The following SBF2 variants were observed in gnomAD, a reference collection of about 807,000 sequenced individuals.
The protein encoded by SBF2 is SET binding factor 2, also known as myotubularin-related protein 13.
SBF2 carries 112 observed loss-of-function variants against 225.2 expected under a neutral mutation model. That is an observed-to-expected ratio of 0.50 (90% confidence interval 0.43 to 0.58). The LOEUF is 0.58. Among genes scored for constraint, SBF2 ranks in the 20% least tolerant of loss-of-function variants. The probability of loss-of-function intolerance (pLI) is 0.00; values close to 1 mark genes in which losing one functional copy is unlikely to be tolerated. For synonymous variants in SBF2, 763 were observed against 773.3 expected (o/e 0.99, Z 0.22); for missense variants, 1,996 against 2,206.2 (o/e 0.90, Z 1.91).
At chr11:10,027,183 G>T (rs1949085715) in intron 6 of SBF2, among the ~76,000 whole-genome samples, 1 of 152,012 alleles carries the variant, frequency 6.6e-6, no homozygotes, top group African/African-American at 2.4e-5. Flanking sequence ...TAGATATCTT[G>T]AACTTATTTC....
intron 3 of SBF2, among the ~76,000 whole-genome samples, chr11:10,032,909 A>G (rs1949311414): frequency 6.6e-6 from 1 of 152,178 alleles, no homozygotes; most frequent in African/African-American, 2.4e-5. Context: ...CATAGAGGCC[A>G]ATAATTATAT....
At chr11:9,799,716 G>T (rs536437346) in intron 32 of SBF2, among the ~76,000 whole-genome samples, 1 of 152,262 alleles carries the variant, frequency 6.6e-6, no homozygotes, top group South Asian at 2.1e-4. Context: ...AACTCTTACG[G>T]TGCTTAGATT....
At position 10,207,529 on chromosome 11, in the gene SBF2, C is replaced by T. The variant is rs115515733; in HGVS notation, c.56-13542G>A. On this transcript the variant is annotated intron_variant, in intron 1 of 39. Transcript: ENST00000256190. The stretch of plus-strand genomic sequence containing the variant: ...TATTCTTCATGCTTATTCCAACAAC[C>T]TTTAAGATTGCTTAAAACTTCTCTG... 5.8e-3 allele frequency among the ~76,000 whole-genome samples: 889 copies of T among 152,236 alleles called. 18 individuals carry two copies. Among genetic ancestry groups the T allele is most frequent in the African/African-American group, 0.02 (817 of 41,570 alleles).
At chr11:9,822,215 G>A (rs944327431) in intron 28 of SBF2, among the ~76,000 whole-genome samples, 3 of 150,444 alleles carry the variant, frequency 2.0e-5, no homozygotes, top group African/African-American at 4.9e-5. Context: ...TAATCACACA[G>A]TAAGTAGTGG....
intron 1 of SBF2, among the ~76,000 whole-genome samples, chr11:10,215,319 G>A (rs1436917999): frequency 1.3e-5 from 2 of 152,124 alleles, no homozygotes; most frequent in Non-Finnish European, 2.9e-5. Context: ...GTTTTTCACT[G>A]TCATCTTAAA....
chr11:9,790,081 G>T (rs546480440), intron 34 of SBF2, among the ~76,000 whole-genome samples: 14 of 152,210 alleles, frequency 9.2e-5, no homozygotes, highest in Non-Finnish European at 1.8e-4. Context: ...ATTCCAGGGC[G>T]TGTGTTATGT....
At chr11:10,181,974 A>G (rs978312455) in intron 2 of SBF2, among the ~76,000 whole-genome samples, 7 of 152,182 alleles carry the variant, frequency 4.6e-5, no homozygotes, top group African/African-American at 1.7e-4. Context: ...TTTTATAGAC[A>G]CATAAGTACC....
chr11:10,063,598 C>T (rs1376891384), intron 2 of SBF2, among the ~76,000 whole-genome samples: 3 of 151,694 alleles, frequency 2.0e-5, no homozygotes, highest in African/African-American at 4.8e-5. Flanking sequence ...ACCTCATGAT[C>T]TGCCTGAGTC....
At chr11:10,244,082 A>G (rs1959511150) in intron 1 of SBF2, among the ~76,000 whole-genome samples, 1 of 152,206 alleles carries the variant, frequency 6.6e-6, no homozygotes, top group Non-Finnish European at 1.5e-5. Context: ...ATCATAAACC[A>G]TGACCAAGTG....
At chr11:10,166,623 G>C (rs1955961080) in intron 2 of SBF2, among the ~76,000 whole-genome samples, 1 of 152,026 alleles carries the variant, frequency 6.6e-6, no homozygotes, top group African/African-American at 2.4e-5. Context: ...AATAATTAGG[G>C]GGAAAATCCC....
intron 27 of SBF2, among the ~76,000 whole-genome samples, chr11:9,830,583 T>C (rs546162827): frequency 2.0e-5 from 3 of 151,540 alleles, no homozygotes; most frequent in Admixed American, 2.0e-4. Flanking sequence ...CTACTAAAAA[T>C]ACAAAAATTA....
chr11:9,995,408 C>T (rs183607120), intron 9 of SBF2, among the ~76,000 whole-genome samples: 131 of 152,248 alleles, frequency 8.6e-4, no homozygotes, highest in Non-Finnish European at 6.6e-4. Flanking sequence ...CACTTAAAGG[C>T]AACACTAAAA....
chr11:9,934,899 A>G (rs1011483316), intron 16 of SBF2, among the ~76,000 whole-genome samples: 6 of 152,234 alleles, frequency 3.9e-5, no homozygotes, highest in African/African-American at 1.4e-4. Flanking sequence ...CTGGCACAAG[A>G]CAAGGATGCC....
intron 2 of SBF2, among the ~76,000 whole-genome samples, chr11:10,187,398 A>G (rs1281143933): frequency 6.6e-6 from 1 of 151,534 alleles, no homozygotes; most frequent in Non-Finnish European, 1.5e-5. Flanking sequence ...TCCACTTGGC[A>G]CCTTTTACAA....
intron 3 of SBF2, among the ~76,000 whole-genome samples, chr11:10,035,572 AAAAC>A (rs770622135): frequency 5.3e-5 from 8 of 152,318 alleles, no homozygotes; most frequent in Non-Finnish European, 7.3e-5. Flanking sequence ...TTAAAAGAAA[AAAAC>A]AAACAACCCC....
At chr11:10,273,033 G>A (rs1351998667) in intron 1 of SBF2, among the ~76,000 whole-genome samples, 1 of 151,684 alleles carries the variant, frequency 6.6e-6, no homozygotes, top group Admixed American at 6.6e-5. Flanking sequence ...TCGCGCCACT[G>A]CACTCCAGCC....
chr11:10,213,347 T>C (rs1235098422), intron 1 of SBF2, among the ~76,000 whole-genome samples: 1 of 152,202 alleles, frequency 6.6e-6, no homozygotes, highest in East Asian at 1.9e-4. Context: ...TGGAGGTCAC[T>C]ACTGAATCCA....
chr11:10,012,975 G>A (rs1948514205), intron 6 of SBF2, among the ~76,000 whole-genome samples: 1 of 152,144 alleles, frequency 6.6e-6, no homozygotes, highest in Non-Finnish European at 1.5e-5. Context: ...CAAATACCTT[G>A]AGCCAATAAA....
intron 16 of SBF2, among the ~76,000 whole-genome samples, chr11:9,945,633 ACTAT>A (rs1304429790): frequency 1.1e-4 from 16 of 152,220 alleles, no homozygotes; most frequent in African/African-American, 3.1e-4. Flanking sequence ...AGCAAAAGAA[ACTAT>A]CTAAAGAGTA....
Sources: allele counts gnomAD v4.1 joint callset (sites outside exome capture counted in the v4.1 genomes callset), GRCh38; gene constraint gnomAD v4.1.1; transcripts MANE v1.5; gene names NCBI Gene and HGNC (gene_info 2026-07-23, HGNC 2026-07-21).